Variants in TMEM170A observed in about 807,000 individuals in gnomAD.
TMEM170A encodes the protein transmembrane protein 170A.
TMEM170A carries 18 observed loss-of-function variants against 12.8 expected under a neutral mutation model. The observed-to-expected ratio is 1.41, with a 90% CI of 0.97 to 2.09. The LOEUF is 2.09. Among genes scored for constraint, TMEM170A ranks in the 30% most tolerant of loss-of-function variants. TMEM170A has a pLI of 0.00. For synonymous variants in TMEM170A, 107 were observed against 76.2 expected, an observed-to-expected ratio of 1.40 and a Z score of -2.11; for missense variants, 220 against 179.9, an observed-to-expected ratio of 1.22 and a Z score of -1.28.
In TMEM170A at chr16:75,464,668, T is replaced by C; in HGVS notation, c.-68A>G. ...AAGTGCGGTAGCGGCCGGCGCCGAC[T>C]CACCCTCGCCGCCTCAGCGTCACCT... On this transcript the variant is annotated 5_prime_UTR_variant, in exon 1 of 3. Transcript: ENST00000561878. 1.3e-6 allele frequency: 2 copies of C among 1,524,376 alleles called. No homozygotes were observed. The highest frequency in any genetic ancestry group is 1.7e-6 in the Non-Finnish European group (2 of 1,143,978). 94.4% of individuals were successfully genotyped at this position (1,524,376 alleles called of 1,614,324 possible). A position where few individuals can be genotyped will look rare whatever the true frequency, so the allele number is the denominator to read the frequency against.
chr16:75,457,566 GATA>G, intron 1 of TMEM170A, among the ~76,000 whole-genome samples: 1 of 152,296 alleles, frequency 6.6e-6, no homozygotes. Flanking sequence ...GAACTGAGGA[GATA>G]ATGTCTGTTA....
intron 1 of TMEM170A, among the ~76,000 whole-genome samples, chr16:75,452,891 C>A (rs1248047808): frequency 3.3e-5 from 5 of 152,322 alleles, no homozygotes; most frequent in African/African-American, 1.2e-4. Context: ...TATACATACA[C>A]ACTTATCTGA....
chr16:75,460,424 C>G (rs2079882999), intron 1 of TMEM170A, among the ~76,000 whole-genome samples: 1 of 152,158 alleles, frequency 6.6e-6, no homozygotes, highest in African/African-American at 2.4e-5. Flanking sequence ...CGACACAGTC[C>G]CTCCAGGCAC....
At position 75,449,539 on chromosome 16, in the gene TMEM170A, G is replaced by C. The variant is rs190470747; in HGVS notation, c.305-1851C>G. 2.4e-4 allele frequency among the ~76,000 whole-genome samples: 36 copies of C among 152,146 alleles called. 1 individual carries two copies. The East Asian group carries it at 5.8e-3, about 24-fold the overall frequency. ...TCACTATGTTGCCAAGGCTGGTTTTGAACTCTTGGACTTAAGCAATCCTCC... is the reference window on the plus strand; with the variant it reads ...TCACTATGTTGCCAAGGCTGGTTTTCAACTCTTGGACTTAAGCAATCCTCC... On this transcript the variant is annotated intron_variant, in intron 2 of 2. Transcript: ENST00000561878.
intron 1 of TMEM170A, 52 bp downstream of exon 1, chr16:75,464,416 C>A: frequency 7.2e-7 from 1 of 1,398,064 alleles, no homozygotes; most frequent in Non-Finnish European, 9.3e-7. Flanking sequence ...GCCCACAGCA[C>A]GGCAGCGGCG....
rs1027706838 is a variant in TMEM170A at position 75,446,644 on chromosome 16, G to A, written c.*914C>T. 1.3e-5 allele frequency: 2 copies of A among 152,092 alleles called. No individual in the cohort carries two copies. The highest frequency in any genetic ancestry group is 2.9e-5 in the Non-Finnish European group (2 of 68,024). The allele number at this position is 152,092 out of a possible 1,614,324, so 9.4% of individuals were successfully genotyped here. A position where few individuals can be genotyped will look rare whatever the true frequency, so the allele number is the denominator to read the frequency against. ...CAGATGCACTTCTATAGTTTCTCAA[G>A]GGTCATTAGTATACCAAAGTCACTA... On this transcript the variant is annotated 3_prime_UTR_variant, in exon 3 of 3. Coordinates refer to ENST00000561878, the MANE Select transcript of TMEM170A (RefSeq NM_145254.3).
chr16:75,455,780 A>T (rs1403690131), intron 1 of TMEM170A, among the ~76,000 whole-genome samples: 1 of 152,238 alleles, frequency 6.6e-6, no homozygotes, highest in East Asian at 1.9e-4. Flanking sequence ...GACTTTAAAA[A>T]GAAAAACAAG....
intron 1 of TMEM170A, among the ~76,000 whole-genome samples, chr16:75,461,167 C>T (rs1471487692): frequency 6.6e-6 from 1 of 152,156 alleles, no homozygotes; most frequent in Non-Finnish European, 1.5e-5. Context: ...GATTCTCCTG[C>T]CTCAGCCTCC....
At chr16:75,455,356 C>CAAA (rs59205915) in intron 1 of TMEM170A, among the ~76,000 whole-genome samples, 7,280 of 110,728 alleles carry the variant, frequency 0.066, 752 homozygotes, top group African/African-American at 0.18. Flanking sequence ...GACACTGTCT[C>CAAA]AAAAAAAAAA....
intron 1 of TMEM170A, among the ~76,000 whole-genome samples, chr16:75,455,566 G>A (rs183657335): frequency 4.6e-5 from 7 of 152,080 alleles, no homozygotes; most frequent in Non-Finnish European, 8.8e-5. Context: ...CATGGTGCTC[G>A]TGCCTGTAAT....
rs1260630989 is a variant in TMEM170A, at chr16:75,464,274, G to T, written c.133+194C>A. On this transcript the variant is annotated intron_variant, in intron 1 of 2. Coordinates refer to ENST00000561878, the MANE Select transcript of TMEM170A (RefSeq NM_145254.3). ...ATCTCACGCCCAGCGGGACTCCGGG[G>T]CTCCGCCTCAGGGACCGCCGAAGAA... is the stretch of plus-strand genomic sequence containing the variant. 7.4e-6 allele frequency: 11 copies of T among 1,494,202 alleles called. No individual in the cohort carries two copies. The Admixed American group carries it at 1.7e-4, about 23-fold the overall frequency. The allele number at this position is 1,494,202 out of a possible 1,614,324, so 92.6% of individuals were successfully genotyped here.
At position 75,464,537 on chromosome 16, in the gene TMEM170A, G is replaced by A. The variant is rs2079964678; in HGVS notation, c.64C>T (p.Leu22=). The A allele has an allele frequency of 6.3e-7, 1 of 1,589,112 alleles. No homozygotes were observed. The highest frequency in any genetic ancestry group is 8.5e-7 in the Non-Finnish European group (1 of 1,170,174). The change falls in exon 1 of 3, where the codon CTG becomes TTG. Residue 22 remains leucine, a synonymous_variant. Transcript: ENST00000561878. ...SAGLLQQILS[L]KVVPRVGNGT... ...TTGCCCACCCGCGGCACAACCTTCA[G>A]GCTCAGGATCTGCTGCAGGAGCCCG... is the stretch of plus-strand genomic sequence containing the variant.
At chr16:75,447,920 C>T (rs891963494) in intron 2 of TMEM170A, among the ~76,000 whole-genome samples, 2 of 152,142 alleles carry the variant, frequency 1.3e-5, no homozygotes, top group Non-Finnish European at 2.9e-5. Context: ...CCTTAAAACC[C>T]AGAGTCTCCT....
chr16:75,462,022 C>T (rs867279150), intron 1 of TMEM170A, among the ~76,000 whole-genome samples: 2 of 152,142 alleles, frequency 1.3e-5, no homozygotes, highest in African/African-American at 4.8e-5. Flanking sequence ...CAACTTATGA[C>T]CCTACATATG....
chr16:75,449,834 G>T (rs1435234692), intron 2 of TMEM170A, among the ~76,000 whole-genome samples: 1 of 152,154 alleles, frequency 6.6e-6, no homozygotes, highest in African/African-American at 2.4e-5. Context: ...ATAGAAAGAA[G>T]CTTAAGGAAC....
chr16:75,451,941 T>C, intron 1 of TMEM170A, 102 bp from the exon 2 acceptor site: 1 of 1,111,938 alleles, frequency 9.0e-7, no homozygotes, highest in Non-Finnish European at 1.3e-6. Context: ...CAACACCGTT[T>C]CTTTTTTCCT....
At chr16:75,461,135 C>T (rs1366499582) in intron 1 of TMEM170A, among the ~76,000 whole-genome samples, 1 of 152,106 alleles carries the variant, frequency 6.6e-6, no homozygotes, top group Non-Finnish European at 1.5e-5. Context: ...CTCACTGCAA[C>T]CTCCCCCTCC....
rs2079959991 is a variant in TMEM170A, at chr16:75,464,356, C to CTTT, written c.133+111_133+112insAAA. 4.8e-6 allele frequency: 6 copies of CTTT among 1,242,976 alleles called. No individual in the cohort carries two copies. The Admixed American group carries it at 2.3e-4, about 47-fold the overall frequency. 77.0% of individuals were successfully genotyped at this position (1,242,976 alleles called of 1,614,324 possible). On this transcript the variant is annotated intron_variant, in intron 1 of 2. Coordinates refer to ENST00000561878, the MANE Select transcript of TMEM170A (RefSeq NM_145254.3). ...ACGGCCCCCCTCCCGGAGGACAGCGCCCACGCCGCCAGCAGGCTGCGCACC... is the reference window on the plus strand; with the variant it reads ...ACGGCCCCCCTCCCGGAGGACAGCGCTTTCCACGCCGCCAGCAGGCTGCGCACC...
rs1055487445 is a variant in TMEM170A at position 75,444,618 on chromosome 16, C to T, written c.*2940G>A. 1.3e-5 allele frequency: 2 copies of T among 152,026 alleles called. No homozygotes were observed. Among genetic ancestry groups the T allele is most frequent in the Admixed American group, 6.6e-5 (1 of 15,242 alleles). 9.4% of individuals were successfully genotyped at this position (152,026 alleles called of 1,614,324 possible). A position where few individuals can be genotyped will look rare whatever the true frequency, so the allele number is the denominator to read the frequency against. Reference sequence around the variant, plus strand: ...CCCCCAAATAATTCTATATTTGAGACATAAAAAAGAAAATCAAAGCTATTC... The same window carrying T: ...CCCCCAAATAATTCTATATTTGAGATATAAAAAAGAAAATCAAAGCTATTC... On this transcript the variant is annotated 3_prime_UTR_variant, in exon 3 of 3. Coordinates refer to ENST00000561878, the MANE Select transcript of TMEM170A (RefSeq NM_145254.3).
Sources: allele counts gnomAD v4.1 joint callset (sites outside exome capture counted in the v4.1 genomes callset), GRCh38; gene constraint gnomAD v4.1.1; transcripts MANE v1.5; gene names NCBI Gene and HGNC (gene_info 2026-07-23, HGNC 2026-07-21).